The following NUP205 variants were observed in gnomAD, a reference collection of about 807,000 sequenced individuals.
NUP205 encodes the protein nucleoporin 205.
A neutral mutation model predicts 253.8 loss-of-function variants in NUP205; 76 were observed. The observed-to-expected ratio is 0.30, with a 90% CI of 0.25 to 0.36. The LOEUF (loss-of-function observed/expected upper bound fraction) is 0.36, where lower values mean the gene tolerates loss of function less well. NUP205 is among the 10% of genes least tolerant of loss of function. The pLI, the probability that NUP205 is intolerant of heterozygous loss-of-function variation, is 1.00. For missense variants in NUP205, 2,162 were observed against 2,425.5 expected, an observed-to-expected ratio of 0.89 and a Z score of 2.28; for synonymous variants, 832 against 850.1, an observed-to-expected ratio of 0.98 and a Z score of 0.37.
chr7:135,642,929 A>AG, intron 38 of NUP205, among the ~76,000 whole-genome samples: 2 of 151,984 alleles, frequency 1.3e-5, no homozygotes, highest in Non-Finnish European at 1.5e-5. Context: ...TGCCTAATAA[A>AG]GGGTAGGCTC....
At chr7:135,568,797 C>A (rs1352925312) in intron 1 of NUP205, among the ~76,000 whole-genome samples, 4 of 152,198 alleles carry the variant, frequency 2.6e-5, no homozygotes, top group African/African-American at 9.6e-5. Flanking sequence ...TCACACCTGT[C>A]TCTGATCCTT....
chr7:135,584,145 A>G (rs1343830127), intron 7 of NUP205, among the ~76,000 whole-genome samples: 1 of 152,162 alleles, frequency 6.6e-6, no homozygotes, highest in African/African-American at 2.4e-5. Context: ...TGTACACTGC[A>G]AATACTTACT....
chr7:135,590,968 G>A (rs1164454253), intron 10 of NUP205, among the ~76,000 whole-genome samples: 3 of 152,160 alleles, frequency 2.0e-5, no homozygotes, highest in African/African-American at 7.2e-5. Flanking sequence ...AAGAAAAAGG[G>A]AAAATTAAGA....
In NUP205 at chr7:135,622,934, A is replaced by G. The variant is rs765594293; in HGVS notation, c.4479+9A>G. On this transcript the variant is annotated intron_variant, in intron 31 of 42. Coordinates refer to ENST00000285968, the MANE Select transcript of NUP205 (RefSeq NM_015135.3). ...GTCATGAGATTGGAAGGGTAAAGCA[A>G]CTCTTATTTAGTATTATAATTGAAT... is the stretch of plus-strand genomic sequence containing the variant. 5 of 1,611,538 alleles carry G rather than the reference A, an allele frequency of 3.1e-6. No individual in the cohort carries two copies. Among genetic ancestry groups the G allele is most frequent in the African/African-American group, 2.7e-5 (2 of 74,664 alleles).
In NUP205 at chr7:135,617,087, T is replaced by C. The variant is rs1474761697; in HGVS notation, c.3533-3T>C. 1.9e-6 allele frequency: 3 copies of C among 1,604,012 alleles called. No homozygotes were observed. Among genetic ancestry groups the C allele is most frequent in the African/African-American group, 2.7e-5 (2 of 74,236 alleles). On this transcript the variant is annotated splice_region_variant and splice_polypyrimidine_tract_variant and intron_variant, in intron 25 of 42. Coordinates refer to ENST00000285968, the MANE Select transcript of NUP205 (RefSeq NM_015135.3). ...AAATCAAATTACTTTTTATTATTTC[T>C]AGTACGTCGAAAAATTCTAAATATT...
chr7:135,593,887 A>G (rs1793756955), intron 12 of NUP205, among the ~76,000 whole-genome samples: 1 of 152,194 alleles, frequency 6.6e-6, no homozygotes. Flanking sequence ...AGAAGAAGAA[A>G]GTTCTAGTGT....
In NUP205 at chr7:135,638,050, T is replaced by C; in HGVS notation, c.5256T>C (p.Ala1752=). Residue 1752 remains alanine (A), a synonymous_variant, in exon 37 of 43, where the codon GCT becomes GCC. Transcript: ENST00000285968. ...KVSKKDEIEL[A]MQQICANVME... The stretch of plus-strand genomic sequence containing the variant: ...GCAAGAAAGATGAGATTGAACTGGC[T>C]ATGCAGCAGGTAAGAACCATGTGAC... 6.2e-7 allele frequency: 1 copy of C among 1,613,404 alleles called. No homozygotes were observed. The highest frequency in any genetic ancestry group is 2.2e-5 in the East Asian group (1 of 44,868).
chr7:135,629,804 CG>C (rs1353785006), intron 34 of NUP205, among the ~76,000 whole-genome samples: 1 of 152,022 alleles, frequency 6.6e-6, no homozygotes, highest in Non-Finnish European at 1.5e-5. Flanking sequence ...GGATTACAGG[CG>C]TGAGCCACCA....
intron 1 of NUP205, among the ~76,000 whole-genome samples, chr7:135,567,261 C>T (rs1291489706): frequency 3.5e-5 from 5 of 142,308 alleles, no homozygotes. Flanking sequence ...TTTAGTCCGT[C>T]CTCTCCCTGC....
At chr7:135,565,352 G>T (rs1805722583) in intron 1 of NUP205, among the ~76,000 whole-genome samples, 1 of 151,882 alleles carries the variant, frequency 6.6e-6, no homozygotes, top group African/African-American at 2.4e-5. Flanking sequence ...GCCATTTGAT[G>T]ACCAATTCTG....
At chr7:135,645,778 C>T in intron 41 of NUP205, 182 bp downstream of exon 41, 1 of 627,550 alleles carries the variant, frequency 1.6e-6, no homozygotes. Flanking sequence ...GGACATTGTG[C>T]TGAGCATAAG....
At chr7:135,616,863 C>G (rs1794372516) in intron 25 of NUP205, 137 bp downstream of exon 25, 1 of 640,802 alleles carries the variant, frequency 1.6e-6, no homozygotes, top group Non-Finnish European at 2.4e-6. Flanking sequence ...TAATTGCCAC[C>G]TGAAAATTTT....
intron 1 of NUP205, among the ~76,000 whole-genome samples, chr7:135,564,068 T>A: frequency 6.6e-6 from 1 of 151,632 alleles, no homozygotes; most frequent in East Asian, 1.9e-4. Flanking sequence ...GCGGCTACCT[T>A]TGGTGTTTTT....
intron 13 of NUP205, among the ~76,000 whole-genome samples, chr7:135,595,438 G>T (rs1793803307): frequency 6.6e-6 from 1 of 152,060 alleles, no homozygotes; most frequent in Non-Finnish European, 1.5e-5. Flanking sequence ...TGTCCAGGCT[G>T]GTCTTGAACT....
intron 1 of NUP205, among the ~76,000 whole-genome samples, chr7:135,559,069 T>A (rs1373552400): frequency 6.6e-6 from 1 of 152,242 alleles, no homozygotes; most frequent in Admixed American, 6.5e-5. Context: ...AGTTCCCGTT[T>A]ATACACCTTT....
intron 8 of NUP205, 97 bp from the exon 9 acceptor site, chr7:135,587,478 C>A (rs886888644): frequency 1.1e-5 from 6 of 544,730 alleles, no homozygotes; most frequent in African/African-American, 9.6e-5. Context: ...AAAATATATT[C>A]TTGTATGTAG....
rs562645091 is a variant in NUP205, at chr7:135,648,065, C to T, written c.5887-339C>T. Reference sequence around the variant, plus strand: ...CTGCATTCTCCTTCCCTCCCTCCCCCGCCAGTCTTACTGACTTCTTGTATG... The same window carrying T: ...CTGCATTCTCCTTCCCTCCCTCCCCTGCCAGTCTTACTGACTTCTTGTATG... On this transcript the variant is annotated intron_variant, in intron 42 of 42. Transcript: ENST00000285968. Among the ~76,000 whole-genome samples, 4 of 152,254 alleles carry T rather than the reference C, an allele frequency of 2.6e-5. No individual in the cohort carries two copies. In the East Asian group the frequency reaches 7.7e-4, roughly 29 times the overall value.
chr7:135,588,990 G>T lies in NUP205; in HGVS notation c.1473+998G>T, dbSNP rs552685669. ...AAGCCAAAATTTGAGACCAGCCTGG[G>T]CAATGTAATGAGACCCCATCGCTAC... is the stretch of plus-strand genomic sequence containing the variant. On this transcript the variant is annotated intron_variant, in intron 10 of 42. Coordinates refer to ENST00000285968, the MANE Select transcript of NUP205 (RefSeq NM_015135.3). Among the ~76,000 whole-genome samples, 26 of 150,962 alleles carry T rather than the reference G, an allele frequency of 1.7e-4. 2 individuals are homozygous for T. In the South Asian group the frequency reaches 4.9e-3, roughly 28 times the overall value.
At chr7:135,626,094 A>T in intron 32 of NUP205, 146 bp from the exon 33 acceptor site, 1 of 887,166 alleles carries the variant, frequency 1.1e-6, no homozygotes, top group South Asian at 1.7e-5. Flanking sequence ...CTAGGAAGAA[A>T]GCGGTATAAT....
Sources: allele counts gnomAD v4.1 joint callset (sites outside exome capture counted in the v4.1 genomes callset), GRCh38; gene constraint gnomAD v4.1.1; transcripts MANE v1.5; gene names NCBI Gene and HGNC (gene_info 2026-07-23, HGNC 2026-07-21).